Variants in NTRK3 observed in about 807,000 individuals in gnomAD.
The protein encoded by NTRK3 is NT-3 growth factor receptor.
NTRK3 carries 24 observed loss-of-function variants against 91.7 expected under a neutral mutation model. The ratio of observed to expected loss-of-function variants is 0.26; its 90% CI spans 0.19 to 0.37. NTRK3 has a LOEUF of 0.37. Among genes scored for constraint, NTRK3 ranks in the 10% least tolerant of loss-of-function variants. The pLI, the probability that NTRK3 is intolerant of heterozygous loss-of-function variation, is 1.00. For missense variants in NTRK3, 880 were observed against 1,068.9 expected, an observed-to-expected ratio of 0.82 and a Z score of 2.46; for synonymous variants, 483 against 404.0, an observed-to-expected ratio of 1.20 and a Z score of -2.34.
At chr15:88,046,021 G>A (rs551053416) in intron 13 of NTRK3, among the ~76,000 whole-genome samples, 2 of 152,134 alleles carry the variant, frequency 1.3e-5, no homozygotes, top group Non-Finnish European at 2.9e-5. Context: ...CTTTTTGCAG[G>A]ACACAATTCA....
intron 5 of NTRK3, among the ~76,000 whole-genome samples, chr15:88,179,610 G>A (rs1037735051): frequency 1.3e-5 from 2 of 152,002 alleles, no homozygotes; most frequent in Non-Finnish European, 2.9e-5. Context: ...GATCCAGTCT[G>A]TGTGAGCCAT....
At chr15:87,947,203 G>A (rs1488968935) in intron 14 of NTRK3, among the ~76,000 whole-genome samples, 2 of 152,048 alleles carry the variant, frequency 1.3e-5, no homozygotes, top group Non-Finnish European at 2.9e-5. Context: ...AACACAATAT[G>A]TTGCTGTCCC....
chr15:87,877,534 C>G (rs918195767), intron 18 of NTRK3, among the ~76,000 whole-genome samples: 8 of 152,150 alleles, frequency 5.3e-5, no homozygotes, highest in Non-Finnish European at 1.2e-4. Flanking sequence ...CACTTTGAAA[C>G]TGCCATGAAG....
intron 17 of NTRK3, among the ~76,000 whole-genome samples, chr15:87,890,339 T>G (rs1164640254): frequency 6.6e-6 from 1 of 152,140 alleles, no homozygotes; most frequent in Non-Finnish European, 1.5e-5. Context: ...GGAGACATTG[T>G]AATTATAGTA....
intron 14 of NTRK3, among the ~76,000 whole-genome samples, chr15:87,944,654 C>T (rs1021569593): frequency 1.3e-5 from 2 of 152,212 alleles, no homozygotes; most frequent in African/African-American, 4.8e-5. Flanking sequence ...TTCACAGAGG[C>T]TTAACCCTCC....
chr15:88,159,412 C>T (rs2044225959), intron 5 of NTRK3, among the ~76,000 whole-genome samples: 1 of 152,140 alleles, frequency 6.6e-6, no homozygotes. Context: ...CACCTGGAGG[C>T]TTGGAAAAAC....
intron 3 of NTRK3, among the ~76,000 whole-genome samples, chr15:88,226,634 G>A (rs1160057996): frequency 1.3e-5 from 2 of 152,242 alleles, no homozygotes; most frequent in Non-Finnish European, 2.9e-5. Context: ...GGGGAGCACT[G>A]AGCCATCTCT....
At chr15:87,939,747 A>G (rs2069634610) in intron 15 of NTRK3, among the ~76,000 whole-genome samples, 1 of 152,146 alleles carries the variant, frequency 6.6e-6, no homozygotes, top group African/African-American at 2.4e-5. Context: ...GCACCCAATG[A>G]AGCCACTCCA....
At chr15:88,201,070 G>A (rs375938003) in intron 3 of NTRK3, among the ~76,000 whole-genome samples, 8 of 152,208 alleles carry the variant, frequency 5.3e-5, no homozygotes, top group South Asian at 4.2e-4. Context: ...TGTCTACGCC[G>A]CATTATTAAT....
intron 5 of NTRK3, among the ~76,000 whole-genome samples, chr15:88,160,212 A>AG: frequency 6.6e-6 from 1 of 152,296 alleles, no homozygotes; most frequent in Admixed American, 6.5e-5. Context: ...GCCATGGTCA[A>AG]GGGGGTGCTG....
rs542319440 is a variant in NTRK3 at position 87,865,887 on chromosome 15, C to T, written c.*11048G>A. The T allele has an allele frequency of 1.4e-4, 32 of 228,968 alleles. 1 individual carries two copies. Among genetic ancestry groups the T allele is most frequent in the Admixed American group, 1.4e-3 (24 of 17,614 alleles). The allele number at this position is 228,968 out of a possible 1,614,324, so 14.2% of individuals were successfully genotyped here. On this transcript the variant is annotated 3_prime_UTR_variant, in exon 19 of 19. Coordinates refer to ENST00000394480, the Ensembl canonical transcript of NTRK3. The stretch of plus-strand genomic sequence containing the variant: ...CACTAGATACTCAAAGCAAAAAATG[C>T]TAATGGCAAAACTTCTAAAAAACAG...
chr15:88,164,546 T>C (rs779138721), intron 5 of NTRK3, among the ~76,000 whole-genome samples: 11 of 152,180 alleles, frequency 7.2e-5, no homozygotes, highest in Admixed American at 2.6e-4. Flanking sequence ...AAAGCCCATG[T>C]TGTTTTGTTC....
chr15:87,905,599 G>A (rs1049226891), intron 17 of NTRK3, among the ~76,000 whole-genome samples: 4 of 152,180 alleles, frequency 2.6e-5, no homozygotes, highest in African/African-American at 4.8e-5. Context: ...ACTGGATGAG[G>A]TCAGTCTGTG....
chr15:88,198,328 G>T (rs1227769961), intron 3 of NTRK3, among the ~76,000 whole-genome samples: 1 of 152,146 alleles, frequency 6.6e-6, no homozygotes, highest in Non-Finnish European at 1.5e-5. Flanking sequence ...AGCCCTGGCT[G>T]CCCAGATATG....
rs111432015 is a variant in NTRK3 at position 87,952,535 on chromosome 15, G to A, written c.1586-11782C>T. 3.3e-4 allele frequency among the ~76,000 whole-genome samples: 50 copies of A among 152,208 alleles called. 2 individuals are homozygous for A. The highest frequency in any genetic ancestry group is 1.2e-3 in the African/African-American group (49 of 41,526). ...CTGCCCCGGGGACAGACAGCTCCCCGTCCCTCCGTAACTCAGCCCAGCTCC... is the reference window on the plus strand; with the variant it reads ...CTGCCCCGGGGACAGACAGCTCCCCATCCCTCCGTAACTCAGCCCAGCTCC... On this transcript the variant is annotated intron_variant, in intron 14 of 18. Transcript: ENST00000394480.
chr15:88,237,059 C>G lies in NTRK3; in HGVS notation c.248+18847G>C, dbSNP rs1437133651. On this transcript the variant is annotated intron_variant, in intron 3 of 18. Coordinates refer to ENST00000394480, the Ensembl canonical transcript of NTRK3. This position sits in a 1 kb window ranked among gnomAD's most constrained non-coding sequence, Gnocchi z 4.0. ...AAAGAATCGAAGTCTAATTTTATGA[C>G]ATACATGCTGAAGTATGTAGAGGGA... Among the ~76,000 whole-genome samples, 1 of 152,148 alleles carries G rather than the reference C, an allele frequency of 6.6e-6. No homozygotes were observed. The highest frequency in any genetic ancestry group is 1.5e-5 in the Non-Finnish European group (1 of 68,022).
intron 4 of NTRK3, 69 bp downstream of exon 4, chr15:88,184,156 C>A: frequency 1.3e-6 from 2 of 1,504,672 alleles, no homozygotes; most frequent in South Asian, 2.3e-5. Context: ...CACGCCACCC[C>A]AGAAGGCAGA....
Position 88,075,309 on chromosome 15 carries a change from G to A in NTRK3, c.1397-42264C>T, listed in dbSNP as rs572109560. On this transcript the variant is annotated intron_variant, in intron 13 of 18. Coordinates refer to ENST00000394480, the Ensembl canonical transcript of NTRK3. ...CATGACGTCAGCCCCTGTCTAGCCG[G>A]GAACTCAGCGAGGATGTCAAAAATC... 5.3e-5 allele frequency among the ~76,000 whole-genome samples: 8 copies of A among 152,284 alleles called. No homozygotes were observed. The South Asian group carries it at 1.7e-3, about 32-fold the overall frequency.
intron 14 of NTRK3, among the ~76,000 whole-genome samples, chr15:88,023,185 C>T (rs2077731071): frequency 1.3e-5 from 2 of 152,168 alleles, no homozygotes; most frequent in African/African-American, 4.8e-5. Flanking sequence ...TGTGGACAAG[C>T]TTGTATGTAT....
Sources: allele counts gnomAD v4.1 joint callset (sites outside exome capture counted in the v4.1 genomes callset), GRCh38; gene constraint gnomAD v4.1.1; non-coding constraint Gnocchi (gnomAD v3.1); transcripts MANE v1.5; gene names NCBI Gene and HGNC (gene_info 2026-07-23, HGNC 2026-07-21).